Variants in SYNPR observed in about 807,000 individuals in gnomAD.
SYNPR encodes synaptoporin.
In SYNPR, 23 loss-of-function variants were observed where a neutral mutation model predicts 32.9. That is an observed-to-expected ratio of 0.70 (90% confidence interval 0.50 to 0.99). SYNPR has a LOEUF of 0.99. SYNPR is among the 50% of genes least tolerant of loss of function. The pLI, the probability that SYNPR is intolerant of heterozygous loss-of-function variation, is 0.00. For synonymous variants in SYNPR, 146 were observed against 135.9 expected (o/e 1.07, Z -0.52); for missense variants, 318 against 349.3 (o/e 0.91, Z 0.71).
intron 2 of SYNPR, among the ~76,000 whole-genome samples, chr3:63,400,961 G>A (rs1428323660): frequency 6.6e-6 from 1 of 151,988 alleles, no homozygotes; most frequent in Non-Finnish European, 1.5e-5. Context: ...GTGTCCAGAA[G>A]GAAAGCAAAA....
At chr3:63,475,608 C>T (rs1484582812) in intron 2 of SYNPR, among the ~76,000 whole-genome samples, 2 of 152,162 alleles carry the variant, frequency 1.3e-5, no homozygotes, top group Non-Finnish European at 2.9e-5. Flanking sequence ...CGCGCACACA[C>T]ACCACCATGT....
chr3:63,545,170 C>T lies in SYNPR; in HGVS notation c.210-11373C>T, dbSNP rs954937008. On this transcript the variant is annotated intron_variant, in intron 3 of 5. Coordinates refer to ENST00000478300, the MANE Select transcript of SYNPR (RefSeq NM_001130003.2). ...TACTATGTCGCCATTGGGTGTGAGACTAGATGAGGTAAGTAATGGGTAGAG... is the reference window on the plus strand; with the variant it reads ...TACTATGTCGCCATTGGGTGTGAGATTAGATGAGGTAAGTAATGGGTAGAG... Among the ~76,000 whole-genome samples, 3 of 151,900 alleles carry T rather than the reference C, an allele frequency of 2.0e-5. No homozygotes were observed. In the South Asian group the frequency reaches 6.2e-4, roughly 32 times the overall value.
At chr3:63,518,439 G>A (rs1701840239) in intron 3 of SYNPR, among the ~76,000 whole-genome samples, 1 of 152,130 alleles carries the variant, frequency 6.6e-6, no homozygotes, top group South Asian at 2.1e-4. Flanking sequence ...GAACAAGCAA[G>A]AAAGAGAAGG....
At chr3:63,239,000 A>C (rs1009075187) in intron 1 of SYNPR, among the ~76,000 whole-genome samples, 10 of 152,126 alleles carry the variant, frequency 6.6e-5, no homozygotes, top group African/African-American at 2.2e-4. Context: ...TGGTTTAAAC[A>C]CAACCAAGAT....
chr3:63,497,573 G>C (rs1319450915), intron 3 of SYNPR, among the ~76,000 whole-genome samples: 1 of 149,302 alleles, frequency 6.7e-6, no homozygotes, highest in East Asian at 1.9e-4. Context: ...TTTCTTGTCA[G>C]TGTGAACCAC....
At chr3:63,597,331 A>G (rs1291285313) in intron 4 of SYNPR, among the ~76,000 whole-genome samples, 1 of 152,214 alleles carries the variant, frequency 6.6e-6, no homozygotes, top group Non-Finnish European at 1.5e-5. Flanking sequence ...TAGTTAGAAG[A>G]CAAACATACA....
At chr3:63,245,427 A>G (rs1387604667) in intron 1 of SYNPR, among the ~76,000 whole-genome samples, 1 of 152,000 alleles carries the variant, frequency 6.6e-6, no homozygotes, top group South Asian at 2.1e-4. Flanking sequence ...TTGTATTTTA[A>G]TGAAATATTA....
chr3:63,285,630 C>T (rs2086673449), intron 2 of SYNPR, among the ~76,000 whole-genome samples: 1 of 152,264 alleles, frequency 6.6e-6, no homozygotes, highest in Middle Eastern at 3.4e-3. Flanking sequence ...CAGATGGATT[C>T]ATCACTTAAT....
chr3:63,420,829 G>GA (rs954083797), intron 2 of SYNPR, among the ~76,000 whole-genome samples: 5 of 152,098 alleles, frequency 3.3e-5, no homozygotes, highest in East Asian at 1.9e-4. Context: ...AAATCAGTGA[G>GA]AAAAAATACA....
At chr3:63,458,711 A>G (rs559823879) in intron 2 of SYNPR, among the ~76,000 whole-genome samples, 7 of 152,098 alleles carry the variant, frequency 4.6e-5, no homozygotes, top group Non-Finnish European at 1.0e-4. Flanking sequence ...AATTATTTTT[A>G]CAATCTGTCT....
chr3:63,290,114 AG>A (rs1232673553), intron 2 of SYNPR, among the ~76,000 whole-genome samples: 1 of 146,320 alleles, frequency 6.8e-6, no homozygotes, highest in African/African-American at 2.6e-5. Flanking sequence ...TGGGTGACAC[AG>A]CAAGACTCCG....
chr3:63,358,570 A>T (rs1206200026), intron 2 of SYNPR, among the ~76,000 whole-genome samples: 2 of 152,176 alleles, frequency 1.3e-5, no homozygotes, highest in Non-Finnish European at 2.9e-5. Flanking sequence ...GCTTTCAGGG[A>T]TTAGAACATG....
intron 2 of SYNPR, among the ~76,000 whole-genome samples, chr3:63,452,952 G>A (rs189190816): frequency 5.3e-5 from 8 of 152,240 alleles, no homozygotes; most frequent in Non-Finnish European, 1.0e-4. Context: ...TATGTACTGA[G>A]AGTGTCGAAT....
At chr3:63,230,216 A>G (rs917572419) in intron 1 of SYNPR, among the ~76,000 whole-genome samples, 4 of 152,162 alleles carry the variant, frequency 2.6e-5, no homozygotes, top group Non-Finnish European at 4.4e-5. Flanking sequence ...TTTAATATAT[A>G]TCTGAAATAA....
chr3:63,211,593 A>T, the SYNPR span, among the ~76,000 whole-genome samples: 1 of 152,190 alleles, frequency 6.6e-6, no homozygotes. Flanking sequence ...TAGAGAGCTC[A>T]AGCTGTTTTC....
At chr3:63,462,906 G>A (rs1228305306) in intron 2 of SYNPR, among the ~76,000 whole-genome samples, 1 of 152,146 alleles carries the variant, frequency 6.6e-6, no homozygotes, top group African/African-American at 2.4e-5. Flanking sequence ...AGGTGCTTGT[G>A]TGAACATACA....
At chr3:63,322,720 C>G (rs2087123867) in intron 2 of SYNPR, among the ~76,000 whole-genome samples, 1 of 152,010 alleles carries the variant, frequency 6.6e-6, no homozygotes, top group Non-Finnish European at 1.5e-5. Flanking sequence ...AGTTTTGGAG[C>G]TTAGGTCTGT....
chr3:63,360,712 TC>T (rs1325007072), intron 2 of SYNPR, among the ~76,000 whole-genome samples: 1 of 152,182 alleles, frequency 6.6e-6, no homozygotes, highest in Non-Finnish European at 1.5e-5. Flanking sequence ...TAGAACACTG[TC>T]TGGCCACTGA....
intron 2 of SYNPR, among the ~76,000 whole-genome samples, chr3:63,357,562 G>A (rs1225839624): frequency 1.3e-5 from 2 of 152,110 alleles, no homozygotes; most frequent in African/African-American, 4.8e-5. Context: ...CAGGCCACAA[G>A]AATCCCCATT....
Sources: gnomAD v4.1 joint callset for allele counts (sites outside exome capture counted in the v4.1 genomes callset) on GRCh38, gnomAD v4.1.1 for gene constraint, MANE v1.5 for transcripts, NCBI Gene and HGNC (gene_info 2026-07-23, HGNC 2026-07-21) for gene names.